Variants in EYA2 observed in about 807,000 individuals in gnomAD.
The protein encoded by EYA2 is protein phosphatase EYA2.
In EYA2, 31 loss-of-function variants were observed where a neutral mutation model predicts 69.2. That is an observed-to-expected ratio of 0.45 (90% CI 0.34 to 0.60). The LOEUF is 0.60. Ranked by LOEUF, EYA2 falls within the 20% of genes least tolerant of loss-of-function variation. The probability of loss-of-function intolerance (pLI) is 0.02; values close to 1 mark genes in which losing one functional copy is unlikely to be tolerated. For synonymous variants in EYA2, 257 were observed against 279.4 expected (o/e 0.92, Z 0.80); for missense variants, 622 against 701.2 (o/e 0.89, Z 1.28).
chr20:46,943,090 A>G (rs1275314936), intron 1 of EYA2, among the ~76,000 whole-genome samples: 1 of 152,176 alleles, frequency 6.6e-6, no homozygotes, highest in African/African-American at 2.4e-5. Context: ...ATCGGTGCAG[A>G]GCAGTGATTC....
At chr20:47,005,667 T>C (rs1982659975) in intron 4 of EYA2, among the ~76,000 whole-genome samples, 1 of 152,216 alleles carries the variant, frequency 6.6e-6, no homozygotes, top group African/African-American at 2.4e-5. Flanking sequence ...GGATTATCTT[T>C]GAAGGAGGGG....
chr20:47,140,874 T>C (rs2146595550), intron 9 of EYA2, among the ~76,000 whole-genome samples: 1 of 152,270 alleles, frequency 6.6e-6, no homozygotes, highest in Non-Finnish European at 1.5e-5. Flanking sequence ...CTTCCATTCA[T>C]GGTGGAAAGT....
chr20:47,051,144 C>T (rs892636271), intron 5 of EYA2, among the ~76,000 whole-genome samples: 1 of 152,158 alleles, frequency 6.6e-6, no homozygotes, highest in South Asian at 2.1e-4. Flanking sequence ...TAGCCTATGC[C>T]GGACTTTCCC....
intron 1 of EYA2, among the ~76,000 whole-genome samples, chr20:46,933,212 G>C (rs1029909468): frequency 2.0e-5 from 3 of 152,186 alleles, no homozygotes; most frequent in African/African-American, 7.2e-5. Context: ...ATTTAAACCA[G>C]AAAAGGCAGA....
intron 2 of EYA2, among the ~76,000 whole-genome samples, chr20:47,000,623 G>A (rs1315705488): frequency 2.6e-5 from 4 of 152,206 alleles, no homozygotes; most frequent in Non-Finnish European, 5.9e-5. Flanking sequence ...CCAGTGAACT[G>A]TCCCTATGTA....
chr20:46,992,840 ACT>A lies in EYA2; in HGVS notation c.109+2724_109+2725del, dbSNP rs548294616. 8.1e-3 allele frequency among the ~76,000 whole-genome samples: 1,228 copies of A among 151,908 alleles called. 7 individuals are homozygous for A. Among genetic ancestry groups the A allele is most frequent in the Non-Finnish European group, 0.01 (697 of 67,906 alleles). ...ATGGGGCAGGTGGTGAGCTCCAGAG[ACT>A]CTGCAGGGGACATTCCACCCTGGAG... On this transcript the variant is annotated intron_variant, in intron 2 of 15. Transcript: ENST00000327619.
chr20:47,161,374 C>CGT, intron 10 of EYA2: 1 of 432,780 alleles, frequency 2.3e-6, no homozygotes, highest in Admixed American at 3.0e-5. Flanking sequence ...CGCTGGCTGG[C>CGT]GTGGGTCTGC....
intron 7 of EYA2, among the ~76,000 whole-genome samples, chr20:47,079,729 G>A (rs571584428): frequency 7.9e-5 from 12 of 152,070 alleles, no homozygotes; most frequent in Non-Finnish European, 1.5e-4. Context: ...CTATACAGCT[G>A]TTAAAAAGAA....
intron 1 of EYA2, among the ~76,000 whole-genome samples, chr20:46,931,755 C>T (rs1373116603): frequency 6.6e-6 from 1 of 152,054 alleles, no homozygotes; most frequent in African/African-American, 2.4e-5. Context: ...TAATTCATGT[C>T]GGATTTTCGC....
intron 1 of EYA2, among the ~76,000 whole-genome samples, chr20:46,922,718 C>T (rs79070951): frequency 0.026 from 3,928 of 152,214 alleles, 63 homozygotes; most frequent in East Asian, 0.084. Flanking sequence ...TTGGTTCAGT[C>T]AAGAATCATC....
chr20:47,164,832 C>G (rs2034147821), intron 10 of EYA2, among the ~76,000 whole-genome samples: 1 of 152,070 alleles, frequency 6.6e-6, no homozygotes, highest in African/African-American at 2.4e-5. Flanking sequence ...GAGAGGACAT[C>G]CCCCAAGTTT....
intron 9 of EYA2, among the ~76,000 whole-genome samples, chr20:47,142,389 T>C (rs1200169854): frequency 6.6e-6 from 1 of 152,260 alleles, no homozygotes; most frequent in Non-Finnish European, 1.5e-5. Context: ...CGTTATGCTG[T>C]GTTGCAGCTT....
At chr20:47,101,081 T>A (rs2032410922) in intron 9 of EYA2, among the ~76,000 whole-genome samples, 1 of 152,188 alleles carries the variant, frequency 6.6e-6, no homozygotes, top group South Asian at 2.1e-4. Flanking sequence ...CCTCTTTTTT[T>A]ATTATTTTTA....
At chr20:46,943,561 C>T (rs903175365) in intron 1 of EYA2, among the ~76,000 whole-genome samples, 5 of 152,194 alleles carry the variant, frequency 3.3e-5, no homozygotes, top group Admixed American at 2.0e-4. Context: ...CATTCGGAGT[C>T]TCAGATCTGG....
At chr20:46,931,094 G>T (rs1443789517) in intron 1 of EYA2, among the ~76,000 whole-genome samples, 2 of 152,146 alleles carry the variant, frequency 1.3e-5, no homozygotes, top group Non-Finnish European at 2.9e-5. Context: ...AGATGACTAG[G>T]CATGTCATAT....
chr20:47,137,036 C>T (rs932240579), intron 9 of EYA2, among the ~76,000 whole-genome samples: 1 of 152,102 alleles, frequency 6.6e-6, no homozygotes, highest in African/African-American at 2.4e-5. Context: ...TCCATCCACC[C>T]CCACCCCTTA....
intron 9 of EYA2, among the ~76,000 whole-genome samples, chr20:47,141,959 C>T (rs1158410566): frequency 6.6e-6 from 1 of 152,160 alleles, no homozygotes; most frequent in African/African-American, 2.4e-5. Flanking sequence ...ATTGAGCTCT[C>T]TTTTCTCACC....
intron 10 of EYA2, among the ~76,000 whole-genome samples, chr20:47,149,810 C>T (rs2146610925): frequency 6.6e-6 from 1 of 152,164 alleles, no homozygotes; most frequent in Middle Eastern, 3.4e-3. Context: ...CGAGATCACA[C>T]CACTGCAGTC....
At chr20:47,069,484 T>C (rs967378096) in intron 5 of EYA2, among the ~76,000 whole-genome samples, 11 of 152,140 alleles carry the variant, frequency 7.2e-5, no homozygotes, top group African/African-American at 2.4e-4. Flanking sequence ...AGCGAGATTC[T>C]GTTTTTTAAA....
Sources: allele counts gnomAD v4.1 joint callset (sites outside exome capture counted in the v4.1 genomes callset), GRCh38; gene constraint gnomAD v4.1.1; transcripts MANE v1.5; gene names NCBI Gene and HGNC (gene_info 2026-07-23, HGNC 2026-07-21).